Variants in HOPX observed in about 807,000 individuals in gnomAD.
HOPX encodes the protein homeodomain-only protein.
In HOPX, 5 loss-of-function variants were observed where a neutral mutation model predicts 11.8. The observed-to-expected ratio is 0.43, with a 90% CI of 0.22 to 0.89. HOPX has a LOEUF of 0.89. Among genes scored for constraint, HOPX ranks in the 40% least tolerant of loss-of-function variants. HOPX has a pLI of 0.28. For missense variants in HOPX, 119 were observed against 120.0 expected (o/e 0.99, Z 0.04); for synonymous variants, 49 against 49.7 (o/e 0.99, Z 0.06).
chr4:56,665,726 G>C (rs1186289520), intron 1 of HOPX: 2 of 152,088 alleles, frequency 1.3e-5, no homozygotes, highest in African/African-American at 4.8e-5. Flanking sequence ...GCAACACTAT[G>C]TGTTCTTATT....
intron 1 of HOPX, among the ~76,000 whole-genome samples, chr4:56,658,295 A>G (rs748662193): frequency 6.6e-6 from 1 of 152,120 alleles, no homozygotes; most frequent in Non-Finnish European, 1.5e-5. Flanking sequence ...CATTTAATTT[A>G]CTGCATTTTA....
At chr4:56,660,996 C>T (rs1718086285) in intron 1 of HOPX, among the ~76,000 whole-genome samples, 1 of 152,122 alleles carries the variant, frequency 6.6e-6, no homozygotes, top group Non-Finnish European at 1.5e-5. Context: ...CTGTCACCCT[C>T]AGGTTGGAGT....
rs1716835021 is a variant in HOPX, at chr4:56,648,189, C to CAAGTT, written c.*526_*530dup. The CAAGTT allele has an allele frequency of 6.6e-6, 1 of 152,082 alleles. No homozygotes were observed. Among genetic ancestry groups the CAAGTT allele is most frequent in the Non-Finnish European group, 1.5e-5 (1 of 68,040 alleles). 9.4% of individuals were successfully genotyped at this position (152,082 alleles called of 1,614,324 possible). On this transcript the variant is annotated 3_prime_UTR_variant, in exon 4 of 4. Transcript: ENST00000420433. ...TCTTCTGGCCCAACAGGCTTCTTTC[C>CAAGTT]AAGTTAATGCAGCTATATTCCAAGG...
chr4:56,664,835 T>A (rs1718345777), intron 1 of HOPX: 1 of 152,164 alleles, frequency 6.6e-6, no homozygotes, highest in African/African-American at 2.4e-5. Context: ...TGAGGAGGCA[T>A]AAATAGGACA....
At chr4:56,673,198 G>A (rs1718831788) in intron 1 of HOPX, among the ~76,000 whole-genome samples, 1 of 152,090 alleles carries the variant, frequency 6.6e-6, no homozygotes, top group Non-Finnish European at 1.5e-5. Context: ...ATAATTAACA[G>A]ACTATTGATA....
chr4:56,654,209 C>T (rs3860708), intron 3 of HOPX, among the ~76,000 whole-genome samples: 74,262 of 152,076 alleles, frequency 0.49, 18,923 homozygotes, highest in African/African-American at 0.63. Flanking sequence ...AGTATCTACC[C>T]TCACAGCATT....
chr4:56,676,725 C>T (rs1253400545), intron 1 of HOPX, among the ~76,000 whole-genome samples: 2 of 151,538 alleles, frequency 1.3e-5, no homozygotes, highest in Non-Finnish European at 2.9e-5. Flanking sequence ...CCTTCACCCT[C>T]TCCTCCCCAC....
At chr4:56,660,144 G>C (rs1184579093) in intron 1 of HOPX, among the ~76,000 whole-genome samples, 2 of 152,122 alleles carry the variant, frequency 1.3e-5, no homozygotes, top group Non-Finnish European at 2.9e-5. Flanking sequence ...TAAATGACTT[G>C]GATGCCAAAA....
At chr4:56,662,277 T>C (rs6836932) in intron 1 of HOPX, among the ~76,000 whole-genome samples, 87,542 of 152,084 alleles carry the variant, frequency 0.58, 26,900 homozygotes, top group African/African-American at 0.81. Flanking sequence ...TTTCATTTCT[T>C]TCACAATTCT....
intron 1 of HOPX, 39 bp downstream of exon 1, chr4:56,681,216 T>C: frequency 1.0e-6 from 1 of 982,716 alleles, no homozygotes; most frequent in Non-Finnish European, 1.2e-6. Flanking sequence ...CACAAACTCA[T>C]TCCTCTGCAT....
At chr4:56,652,183 C>A (rs1269263147) in intron 3 of HOPX, among the ~76,000 whole-genome samples, 1 of 152,140 alleles carries the variant, frequency 6.6e-6, no homozygotes, top group Non-Finnish European at 1.5e-5. Flanking sequence ...CCTCCACCCC[C>A]ACAGAGAATT....
chr4:56,650,769 C>T (rs1560359829), intron 3 of HOPX: 1 of 1,551,120 alleles, frequency 6.4e-7, no homozygotes, highest in Admixed American at 2.0e-5. Context: ...TTGGGGGCTA[C>T]TTTCTGGGTG....
chr4:56,669,702 T>TAAG (rs869032805), intron 1 of HOPX, among the ~76,000 whole-genome samples: 2 of 136,004 alleles, frequency 1.5e-5, no homozygotes, highest in African/African-American at 5.4e-5. Context: ...ATAATAATAA[T>TAAG]AACACCAGTA....
chr4:56,667,214 CT>C (rs983908693), intron 1 of HOPX, among the ~76,000 whole-genome samples: 3 of 151,924 alleles, frequency 2.0e-5, no homozygotes, highest in African/African-American at 7.2e-5. Flanking sequence ...TTTCCTTTAT[CT>C]TGACATAAAA....
At chr4:56,648,961 G>A in intron 3 of HOPX, 164 bp from the exon 4 acceptor site, 1 of 543,200 alleles carries the variant, frequency 1.8e-6, no homozygotes, top group Non-Finnish European at 3.3e-6. Context: ...CCTGCCTCAG[G>A]ACCTTTGCAC....
chr4:56,665,602 C>A (rs755664182), intron 1 of HOPX: 2 of 152,184 alleles, frequency 1.3e-5, no homozygotes, highest in African/African-American at 2.4e-5. Context: ...CCTACAGAAA[C>A]CTCACCTCTG....
intron 1 of HOPX, among the ~76,000 whole-genome samples, chr4:56,669,948 A>G (rs766890170): frequency 3.3e-5 from 5 of 152,204 alleles, no homozygotes; most frequent in Non-Finnish European, 7.3e-5. Flanking sequence ...ACTCTTAAAA[A>G]TGCATAGTGT....
chr4:56,675,414 G>A lies in HOPX; in HGVS notation c.-84+5841C>T, dbSNP rs572390533. On this transcript the variant is annotated intron_variant, in intron 1 of 3. Transcript: ENST00000420433. ...GGTATTTTTTAGAGTAAAAGGAGGTGCTATTAATAATTCCACTGGGACAAT... is the reference window on the plus strand; with the variant it reads ...GGTATTTTTTAGAGTAAAAGGAGGTACTATTAATAATTCCACTGGGACAAT... Among the ~76,000 whole-genome samples the A allele has an allele frequency of 5.5e-4, 83 of 151,696 alleles. 3 individuals carry two copies. Among genetic ancestry groups the A allele is most frequent in the African/African-American group, 2.0e-3 (81 of 40,986 alleles).
At chr4:56,659,284 T>G (rs1413106724) in intron 1 of HOPX, 8 of 152,232 alleles carry the variant, frequency 5.3e-5, no homozygotes, top group Non-Finnish European at 1.2e-4. Context: ...ATATTTCTTT[T>G]ATGCTCACTG....
Sources: gnomAD v4.1 joint callset for allele counts (sites outside exome capture counted in the v4.1 genomes callset) on GRCh38, gnomAD v4.1.1 for gene constraint, MANE v1.5 for transcripts, NCBI Gene and HGNC (gene_info 2026-07-23, HGNC 2026-07-21) for gene names.